The following TIMP3 variants were observed in gnomAD, a reference collection of about 807,000 sequenced individuals.
TIMP3 encodes metalloproteinase inhibitor 3.
A neutral mutation model predicts 30.0 loss-of-function variants in TIMP3; 11 were observed. That is an observed-to-expected ratio of 0.37 (90% CI 0.23 to 0.61). The LOEUF is 0.61. TIMP3 is among the 20% of genes least tolerant of loss of function. TIMP3 has a pLI of 0.70. For missense variants in TIMP3, 181 were observed against 276.8 expected (o/e 0.65, Z 2.45); for synonymous variants, 112 against 111.3 (o/e 1.01, Z -0.04).
chr22:32,813,209 C>G (rs2046959936), intron 1 of TIMP3, among the ~76,000 whole-genome samples: 1 of 152,088 alleles, frequency 6.6e-6, no homozygotes, highest in Non-Finnish European at 1.5e-5. Flanking sequence ...TTTTGGAGAG[C>G]TAAACAGGTA....
At chr22:32,843,615 T>C (rs2146209333) in intron 1 of TIMP3, among the ~76,000 whole-genome samples, 1 of 152,298 alleles carries the variant, frequency 6.6e-6, no homozygotes, top group East Asian at 1.9e-4. Flanking sequence ...CCCTCTTTCC[T>C]CCTTTTTGGT....
intron 1 of TIMP3, among the ~76,000 whole-genome samples, chr22:32,845,165 G>T (rs2048023754): frequency 7.5e-6 from 1 of 132,620 alleles, no homozygotes; most frequent in South Asian, 2.2e-4. Flanking sequence ...TCTCTGATTG[G>T]TGCTTCTGTA....
rs1000041933 is a variant in TIMP3 at position 32,837,334 on chromosome 22, C to G, written c.122-12118C>G. On this transcript the variant is annotated intron_variant, in intron 1 of 4. Coordinates refer to ENST00000266085, the MANE Select transcript of TIMP3 (RefSeq NM_000362.5). This position sits in a 1 kb window ranked among gnomAD's most constrained non-coding sequence, Gnocchi z 4.1. ...ACTCTCAGGGGATAGGGGGTGGTCT[C>G]AGCCCCCCTCACCGAGTGCACTTGC... 6.6e-6 allele frequency among the ~76,000 whole-genome samples: 1 copy of G among 152,168 alleles called. No homozygotes were observed. The highest frequency in any genetic ancestry group is 2.4e-5 in the African/African-American group (1 of 41,446).
intron 2 of TIMP3, among the ~76,000 whole-genome samples, chr22:32,850,848 G>A (rs1348464170): frequency 3.3e-5 from 5 of 152,196 alleles, no homozygotes; most frequent in Admixed American, 2.6e-4. Flanking sequence ...TGTCCAGGTA[G>A]AAGGGAGTGG....
Position 32,849,473 on chromosome 22 carries a change from G to A in TIMP3, c.143G>A (p.Gly48Glu). The A allele has an allele frequency of 6.2e-7, 1 of 1,613,802 alleles. No homozygotes were observed. Among genetic ancestry groups the A allele is most frequent in the Non-Finnish European group, 8.5e-7 (1 of 1,179,884 alleles). Residue 48 changes from glycine (G) to glutamate (E), a missense_variant, in exon 2 of 5, where the codon GGG (glycine) becomes GAG (glutamate). This residue lies in a region of TIMP3 where 71 missense variants were observed against 79.7 expected (regional missense o/e 0.89). Coordinates refer to ENST00000266085, the MANE Select transcript of TIMP3 (RefSeq NM_000362.5). ...SDIVIRAKVVGKKLVKEGPFG... is the reference protein window; with the variant it reads ...SDIVIRAKVVEKKLVKEGPFG... Reference sequence around the variant, plus strand: ...GCAGTGATCCGGGCCAAGGTGGTGGGGAAGAAGCTGGTAAAGGAGGGGCCC... The same window carrying A: ...GCAGTGATCCGGGCCAAGGTGGTGGAGAAGAAGCTGGTAAAGGAGGGGCCC...
intron 1 of TIMP3, among the ~76,000 whole-genome samples, chr22:32,810,641 C>G (rs1258204663): frequency 6.6e-6 from 1 of 152,156 alleles, no homozygotes; most frequent in Non-Finnish European, 1.5e-5. Context: ...CTGCCTCTGC[C>G]CATGAGGGTG....
intron 1 of TIMP3, 76 bp from the exon 2 acceptor site, chr22:32,849,376 G>C: frequency 6.2e-6 from 8 of 1,299,648 alleles, no homozygotes; most frequent in Non-Finnish European, 6.6e-6. Context: ...AGAGGCTAGC[G>C]TGCCCGCCCT....
intron 1 of TIMP3, among the ~76,000 whole-genome samples, chr22:32,829,435 C>T (rs567651546): frequency 2.0e-4 from 30 of 152,344 alleles, no homozygotes; most frequent in African/African-American, 5.3e-4. Flanking sequence ...GTGGGGTCCC[C>T]GGGCCTTCGG....
chr22:32,835,354 G>A (rs140433634), intron 1 of TIMP3, among the ~76,000 whole-genome samples: 3 of 152,172 alleles, frequency 2.0e-5, no homozygotes, highest in Non-Finnish European at 4.4e-5. Context: ...GTGAGTGTAT[G>A]GGGGCAGGGA....
chr22:32,822,948 G>A (rs898960035), intron 1 of TIMP3, among the ~76,000 whole-genome samples: 19 of 152,080 alleles, frequency 1.2e-4, no homozygotes, highest in Admixed American at 3.9e-4. Context: ...AACAGAGAGA[G>A]AGAGATGAAT....
At chr22:32,814,942 AAT>A (rs2047047890) in intron 1 of TIMP3, among the ~76,000 whole-genome samples, 1 of 152,238 alleles carries the variant, frequency 6.6e-6, no homozygotes, top group Non-Finnish European at 1.5e-5. Flanking sequence ...ATATGTATAA[AAT>A]ATGACCATTT....
intron 2 of TIMP3, among the ~76,000 whole-genome samples, chr22:32,856,579 T>C (rs958061205): frequency 2.6e-5 from 4 of 152,248 alleles, no homozygotes; most frequent in Admixed American, 6.5e-5. Context: ...ATGTGGTATT[T>C]TGATATATTC....
At chr22:32,815,567 A>G (rs1055339436) in intron 1 of TIMP3, among the ~76,000 whole-genome samples, 1 of 152,230 alleles carries the variant, frequency 6.6e-6, no homozygotes, top group African/African-American at 2.4e-5. Flanking sequence ...GGGACTTAAG[A>G]GGAATTAAAT....
At chr22:32,858,491 G>A (rs916633177) in intron 4 of TIMP3, among the ~76,000 whole-genome samples, 2 of 152,142 alleles carry the variant, frequency 1.3e-5, no homozygotes, top group East Asian at 3.9e-4. Flanking sequence ...TTTCAAGTGG[G>A]CTCACCCTGG....
intron 2 of TIMP3, among the ~76,000 whole-genome samples, chr22:32,856,445 A>G (rs956537873): frequency 6.6e-6 from 1 of 152,150 alleles, no homozygotes; most frequent in Non-Finnish European, 1.5e-5. Context: ...GCCACTGGAC[A>G]GCTGAATAGG....
intron 1 of TIMP3, among the ~76,000 whole-genome samples, chr22:32,842,638 A>G (rs946631986): frequency 7.9e-5 from 12 of 152,204 alleles, no homozygotes. Context: ...TTGTACATAT[A>G]CATTGTCTCA....
At position 32,802,055 on chromosome 22, in the gene TIMP3, C is replaced by T; in HGVS notation, c.54C>T (p.Asp18=). ...TCCTGGGCAGCTGGAGCCTGGGGGACTGGGGCGCCGAGGCGTGCACATGCT... is the reference window on the plus strand; with the variant it reads ...TCCTGGGCAGCTGGAGCCTGGGGGATTGGGGCGCCGAGGCGTGCACATGCT... ...IVLLGSWSLG[D]WGAEACTCSP... is the part of the protein sequence containing the mutation. Residue 18 remains aspartate, a synonymous_variant, in exon 1 of 5, where the codon GAC becomes GAT. Transcript: ENST00000266085. 2 of 1,577,266 alleles carry T rather than the reference C, an allele frequency of 1.3e-6. No homozygotes were observed. The highest frequency in any genetic ancestry group is 2.3e-5 in the East Asian group (1 of 43,272).
At chr22:32,815,034 T>C (rs532791493) in intron 1 of TIMP3, among the ~76,000 whole-genome samples, 4 of 152,388 alleles carry the variant, frequency 2.6e-5, no homozygotes, top group African/African-American at 9.6e-5. Context: ...TTATGTATTT[T>C]ACACTCATAG....
At chr22:32,803,110 C>T (rs552685230) in intron 1 of TIMP3, among the ~76,000 whole-genome samples, 14 of 152,128 alleles carry the variant, frequency 9.2e-5, no homozygotes, top group Non-Finnish European at 1.8e-4. Context: ...CTCCTCCTTT[C>T]CAGCCCATAA....
Sources: gnomAD v4.1 joint callset for allele counts (sites outside exome capture counted in the v4.1 genomes callset) on GRCh38, gnomAD v4.1.1 for gene constraint, gnomAD v4.1.1 regional missense constraint, Gnocchi (gnomAD v3.1) non-coding constraint, MANE v1.5 for transcripts, NCBI Gene and HGNC (gene_info 2026-07-23, HGNC 2026-07-21) for gene names.